MYRIP: variants seen among roughly 807,000 people sequenced by gnomAD.
MYRIP encodes rab effector MyRIP.
A neutral mutation model predicts 98.0 loss-of-function variants in MYRIP; 49 were observed. The ratio of observed to expected loss-of-function variants is 0.50; its 90% CI spans 0.40 to 0.63. MYRIP has a LOEUF of 0.63. Ranked by LOEUF, MYRIP falls within the 30% of genes least tolerant of loss-of-function variation. The pLI is 0.00. For synonymous variants in MYRIP, 404 were observed against 409.5 expected (o/e 0.99, Z 0.16); for missense variants, 1,004 against 1,058.2 (o/e 0.95, Z 0.71).
chr3:40,153,501 GA>G (rs201197167), intron 4 of MYRIP, among the ~76,000 whole-genome samples: 2 of 151,860 alleles, frequency 1.3e-5, no homozygotes, highest in African/African-American at 4.8e-5. Flanking sequence ...AGGGCGCTTT[GA>G]AAAAAAACCT....
chr3:40,231,526 C>T (rs994343618), intron 11 of MYRIP, among the ~76,000 whole-genome samples: 1 of 152,176 alleles, frequency 6.6e-6, no homozygotes, highest in African/African-American at 2.4e-5. Flanking sequence ...TTTGAGCTTG[C>T]AACTCTCATG....
chr3:40,247,035 T>A (rs1953228902), intron 13 of MYRIP, among the ~76,000 whole-genome samples: 2 of 152,360 alleles, frequency 1.3e-5, no homozygotes, highest in African/African-American at 4.8e-5. Context: ...ATATATTAAG[T>A]AGAATCAAAT....
At chr3:40,177,618 A>G (rs1298896901) in intron 8 of MYRIP, among the ~76,000 whole-genome samples, 1 of 152,098 alleles carries the variant, frequency 6.6e-6, no homozygotes, top group Non-Finnish European at 1.5e-5. Context: ...TTCCTCCCTC[A>G]TTGTGCGCTC....
intron 5 of MYRIP, 119 bp from the exon 6 acceptor site, chr3:40,166,727 A>G (rs940047305): frequency 2.9e-6 from 2 of 684,610 alleles, no homozygotes; most frequent in African/African-American, 3.5e-5. Flanking sequence ...TTTGTGTGCC[A>G]TGGTAAACAG....
At chr3:40,204,318 C>G (rs1389992329) in intron 10 of MYRIP, among the ~76,000 whole-genome samples, 1 of 140,060 alleles carries the variant, frequency 7.1e-6, no homozygotes, top group African/African-American at 2.7e-5. Context: ...CAACCTCCAT[C>G]TCCTGGGTTC....
intron 1 of MYRIP, among the ~76,000 whole-genome samples, chr3:39,826,725 A>T (rs1329571027): frequency 6.6e-6 from 1 of 152,132 alleles, no homozygotes; most frequent in African/African-American, 2.4e-5. Context: ...TCTAATGCTG[A>T]GAGTGGGGAG....
rs547977841 is a variant in MYRIP, at chr3:39,902,221, C to G, written c.110+1295C>G. ...CAATTTGAGATGAATATTGGACATCCAAAGGAGATGCCAACTTGGCATTTA... is the reference window on the plus strand; with the variant it reads ...CAATTTGAGATGAATATTGGACATCGAAAGGAGATGCCAACTTGGCATTTA... On this transcript the variant is annotated intron_variant, in intron 2 of 16. Transcript: ENST00000302541. 2.2e-3 allele frequency among the ~76,000 whole-genome samples: 332 copies of G among 152,262 alleles called. 2 individuals are homozygous for G. The highest frequency in any genetic ancestry group is 7.5e-3 in the African/African-American group (312 of 41,564).
At chr3:40,250,972 C>T (rs986874066) in intron 15 of MYRIP, among the ~76,000 whole-genome samples, 4 of 152,202 alleles carry the variant, frequency 2.6e-5, no homozygotes, top group Non-Finnish European at 5.9e-5. Context: ...TGAGCCAAGA[C>T]AGAGTGGTGG....
intron 8 of MYRIP, chr3:40,173,219 A>C (rs1449799495): frequency 6.6e-6 from 1 of 152,202 alleles, no homozygotes; most frequent in Non-Finnish European, 1.5e-5. Flanking sequence ...AGCACCCTGC[A>C]TTATCCCCAT....
intron 16 of MYRIP, among the ~76,000 whole-genome samples, chr3:40,254,476 G>A (rs1376741325): frequency 7.2e-6 from 1 of 138,224 alleles, no homozygotes; most frequent in Non-Finnish European, 1.5e-5. Context: ...ATTCATTTGT[G>A]TCTGGGGGGG....
At chr3:39,957,827 A>G (rs924432645) in intron 2 of MYRIP, among the ~76,000 whole-genome samples, 4 of 152,260 alleles carry the variant, frequency 2.6e-5, no homozygotes, top group African/African-American at 4.8e-5. Flanking sequence ...CAACTTCAGC[A>G]AAGTCTCAGG....
At chr3:40,175,854 T>A (rs1950740893) in intron 8 of MYRIP, among the ~76,000 whole-genome samples, 1 of 152,250 alleles carries the variant, frequency 6.6e-6, no homozygotes. Flanking sequence ...CAAAAGGGAC[T>A]GACCCTGGCC....
At chr3:39,990,375 T>C (rs1946144392) in intron 2 of MYRIP, among the ~76,000 whole-genome samples, 1 of 152,190 alleles carries the variant, frequency 6.6e-6, no homozygotes, top group Non-Finnish European at 1.5e-5. Flanking sequence ...CATGCTGTTA[T>C]GGTTCTTTTC....
At chr3:40,223,366 G>C (rs1952392393) in intron 11 of MYRIP, among the ~76,000 whole-genome samples, 1 of 152,140 alleles carries the variant, frequency 6.6e-6, no homozygotes, top group Non-Finnish European at 1.5e-5. Flanking sequence ...TTAAATTTGT[G>C]AGCTACTAAT....
At position 40,034,967 on chromosome 3, in the gene MYRIP, G is replaced by A. The variant is rs565121526; in HGVS notation, c.111-9083G>A. Reference sequence around the variant, plus strand: ...AAATCATCATTCTCAGTAAACTATCGCACAGACAAAAAACCAAACACCGCA... The same window carrying A: ...AAATCATCATTCTCAGTAAACTATCACACAGACAAAAAACCAAACACCGCA... On this transcript the variant is annotated intron_variant, in intron 2 of 16. Transcript: ENST00000302541. Among the ~76,000 whole-genome samples, 7 of 150,098 alleles carry A rather than the reference G, an allele frequency of 4.7e-5. No homozygotes were observed. In the South Asian group the frequency reaches 8.5e-4, roughly 18 times the overall value.
chr3:40,009,172 C>T (rs552881704), intron 2 of MYRIP, among the ~76,000 whole-genome samples: 85 of 152,050 alleles, frequency 5.6e-4, no homozygotes, highest in African/African-American at 2.0e-3. Flanking sequence ...CTGCCAGACC[C>T]TGCCATTGCT....
intron 1 of MYRIP, among the ~76,000 whole-genome samples, chr3:39,863,400 C>T (rs1304428782): frequency 6.6e-6 from 1 of 151,158 alleles, no homozygotes; most frequent in African/African-American, 2.4e-5. Flanking sequence ...AACAGGCCAC[C>T]ACCTAGACTG....
At chr3:40,152,571 T>C (rs1950143905) in intron 4 of MYRIP, among the ~76,000 whole-genome samples, 1 of 152,166 alleles carries the variant, frequency 6.6e-6, no homozygotes, top group African/African-American at 2.4e-5. Flanking sequence ...AAAGGAGAAT[T>C]CTTTGCTAAG....
At chr3:39,988,097 G>A (rs917006210) in intron 2 of MYRIP, among the ~76,000 whole-genome samples, 2 of 152,038 alleles carry the variant, frequency 1.3e-5, no homozygotes, top group African/African-American at 4.8e-5. Context: ...ACTCATAGGT[G>A]GGAATTGAAC....
Sources: gnomAD v4.1 joint callset for allele counts (sites outside exome capture counted in the v4.1 genomes callset) on GRCh38, gnomAD v4.1.1 for gene constraint, MANE v1.5 for transcripts, NCBI Gene and HGNC (gene_info 2026-07-23, HGNC 2026-07-21) for gene names.